The following TMC7 variants were observed in gnomAD, a reference collection of about 807,000 sequenced individuals.
TMC7 encodes the protein transmembrane channel like 7, also known as transmembrane channel-like protein 7.
TMC7 carries 54 observed loss-of-function variants against 82.9 expected under a neutral mutation model. The observed-to-expected ratio is 0.65, with a 90% CI of 0.52 to 0.82. The LOEUF (loss-of-function observed/expected upper bound fraction) is 0.82, where lower values mean the gene tolerates loss of function less well. Among genes scored for constraint, TMC7 ranks in the 40% least tolerant of loss-of-function variants. TMC7 has a pLI of 0.00. For missense variants in TMC7, 820 were observed against 901.2 expected (o/e 0.91, Z 1.15); for synonymous variants, 350 against 337.9 (o/e 1.04, Z -0.39).
At chr16:18,984,197 G>C (rs1037565700) in intron 1 of TMC7, 67 bp downstream of exon 1, 15 of 1,413,790 alleles carry the variant, frequency 1.1e-5, no homozygotes, top group Non-Finnish European at 1.4e-5. Flanking sequence ...GAGGGAGCCG[G>C]GTGCTGGAGG....
rs1256118433 is a variant in TMC7, at chr16:19,038,046, AG to A, written c.1179+1del. 6.2e-7 allele frequency: 1 copy of A among 1,613,116 alleles called. No homozygotes were observed. ...GTCTTCTCGCAAGAGCACATGAAAAAGGTAAATTAACTTGTACTCTGGCTGG... is the reference window on the plus strand; with the variant it reads ...GTCTTCTCGCAAGAGCACATGAAAAAGTAAATTAACTTGTACTCTGGCTGG... ...ATVFSQEHMKKEIDKMVFGEN... is the reference protein window; with the variant it reads ...ATVFSQEHMKXEIDKMVFGEN... On this transcript the variant is annotated frameshift_variant and splice_region_variant, in exon 8 of 16. Transcript: ENST00000304381. LOFTEE classifies it high-confidence loss of function.
intron 9 of TMC7, among the ~76,000 whole-genome samples, chr16:19,043,280 G>C (rs1318574421): frequency 6.6e-6 from 1 of 152,000 alleles, no homozygotes; most frequent in Admixed American, 6.6e-5. Flanking sequence ...GACATCCCGC[G>C]ACCCTGATAC....
intron 1 of TMC7, among the ~76,000 whole-genome samples, chr16:19,001,420 C>T (rs1196963132): frequency 1.2e-4 from 18 of 152,134 alleles, no homozygotes; most frequent in African/African-American, 2.9e-4. Context: ...GTGGTTCACA[C>T]CTATAGTCCC....
chr16:19,005,530 A>T (rs7202685), intron 1 of TMC7, among the ~76,000 whole-genome samples: 2,998 of 152,214 alleles, frequency 0.02, 101 homozygotes, highest in African/African-American at 0.068. Context: ...CATTCCCGAG[A>T]TGAGAAAAAT....
intron 12 of TMC7, chr16:19,049,526 C>A: frequency 3.0e-6 from 2 of 666,094 alleles, no homozygotes; most frequent in Non-Finnish European, 3.7e-6. Flanking sequence ...CTGATGCTTT[C>A]ACTTGAAAAC....
At chr16:19,025,370 C>T (rs1304329685) in intron 5 of TMC7, among the ~76,000 whole-genome samples, 2 of 152,136 alleles carry the variant, frequency 1.3e-5, no homozygotes, top group Non-Finnish European at 2.9e-5. Flanking sequence ...GTAACCCCAG[C>T]ACTTCAGAGA....
At chr16:19,045,296 C>T in intron 10 of TMC7, 45 bp from the exon 11 acceptor site, 8 of 1,513,772 alleles carry the variant, frequency 5.3e-6, no homozygotes, top group Non-Finnish European at 7.3e-6. Flanking sequence ...GTTTTCTCTG[C>T]CTCAGCTAGG....
At position 19,061,902 on chromosome 16, in the gene TMC7, C is replaced by A; in HGVS notation, c.*59C>A. 1.4e-6 allele frequency: 2 copies of A among 1,473,178 alleles called. No individual in the cohort carries two copies. The highest frequency in any genetic ancestry group is 9.4e-7 in the Non-Finnish European group (1 of 1,067,792). The allele number at this position is 1,473,178 out of a possible 1,614,324, so 91.3% of individuals were successfully genotyped here. ...CTTCTAAGCTGACCTAGTGATTCTG[C>A]TGAGCCTACAGAGTCTACCTGGGTT... On this transcript the variant is annotated 3_prime_UTR_variant, in exon 16 of 16. Coordinates refer to ENST00000304381, the MANE Select transcript of TMC7 (RefSeq NM_024847.4).
At chr16:19,000,087 G>C (rs1263677279) in intron 1 of TMC7, among the ~76,000 whole-genome samples, 1 of 152,056 alleles carries the variant, frequency 6.6e-6, no homozygotes, top group Non-Finnish European at 1.5e-5. Flanking sequence ...GCAGAGTCCG[G>C]GCTTTATGAG....
At chr16:18,993,913 G>A (rs1262712376) in intron 1 of TMC7, among the ~76,000 whole-genome samples, 4 of 152,174 alleles carry the variant, frequency 2.6e-5, no homozygotes, top group Non-Finnish European at 5.9e-5. Context: ...AGATACTATA[G>A]CATAGCCTGC....
At chr16:19,045,212 C>T (rs1308110880) in intron 10 of TMC7, 129 bp from the exon 11 acceptor site, 17 of 865,812 alleles carry the variant, frequency 2.0e-5, no homozygotes, top group Non-Finnish European at 3.2e-5. Flanking sequence ...TCAGAGTTTG[C>T]ATCAGCTGAT....
At chr16:18,994,811 A>G (rs1003443311) in intron 1 of TMC7, among the ~76,000 whole-genome samples, 3 of 152,194 alleles carry the variant, frequency 2.0e-5, no homozygotes, top group Non-Finnish European at 4.4e-5. Context: ...TAGGCTTTAA[A>G]AGGCCATGCT....
At chr16:19,013,377 C>T (rs1959488896) in intron 2 of TMC7, among the ~76,000 whole-genome samples, 1 of 151,262 alleles carries the variant, frequency 6.6e-6, no homozygotes, top group African/African-American at 2.4e-5. Context: ...CACCACCACA[C>T]CTGGCTAATT....
intron 1 of TMC7, among the ~76,000 whole-genome samples, chr16:18,996,146 G>T (rs2039040529): frequency 6.6e-6 from 1 of 152,134 alleles, no homozygotes; most frequent in South Asian, 2.1e-4. Flanking sequence ...TAGATCCTAG[G>T]GTTGGGGAGC....
At chr16:19,014,712 T>A (rs1474209121) in intron 2 of TMC7, among the ~76,000 whole-genome samples, 1 of 152,166 alleles carries the variant, frequency 6.6e-6, no homozygotes, top group Non-Finnish European at 1.5e-5. Context: ...TTTGTAGCAC[T>A]TCCCCCAGGG....
chr16:19,010,216 A>G (rs1232679174), intron 2 of TMC7, among the ~76,000 whole-genome samples: 2 of 137,064 alleles, frequency 1.5e-5, no homozygotes, highest in East Asian at 2.5e-4. Flanking sequence ...GTGCAATGGC[A>G]TGATCTTGGC....
chr16:19,000,391 C>T (rs1019492538), intron 1 of TMC7, among the ~76,000 whole-genome samples: 35 of 151,886 alleles, frequency 2.3e-4, no homozygotes, highest in African/African-American at 8.0e-4. Flanking sequence ...CGCTTGAACC[C>T]GGGAGGCAGA....
chr16:19,014,219 G>A (rs745415300), intron 2 of TMC7, among the ~76,000 whole-genome samples: 1 of 152,052 alleles, frequency 6.6e-6, no homozygotes, highest in Non-Finnish European at 1.5e-5. Context: ...GTGGAGGGCT[G>A]TCTGTGGATT....
In TMC7 at chr16:19,021,741, C is replaced by G; in HGVS notation, c.573C>G (p.Leu191=). ...IFMLVLLPVL[L]TKYKITNSSF... ...TGCTGGTTTTGCTCCCAGTCTTACT[C>G]ACGAAATACAAGATCACCAACAGCA... The change falls in exon 4 of 16, where the codon CTC becomes CTG. Residue 191 remains leucine (L), a synonymous_variant. Transcript: ENST00000304381. 6.2e-7 allele frequency: 1 copy of G among 1,614,116 alleles called. No individual in the cohort carries two copies. The highest frequency in any genetic ancestry group is 1.1e-5 in the South Asian group (1 of 91,084).
Sources: gnomAD v4.1 joint callset for allele counts (sites outside exome capture counted in the v4.1 genomes callset) on GRCh38, gnomAD v4.1.1 for gene constraint, MANE v1.5 for transcripts, NCBI Gene and HGNC (gene_info 2026-07-23, HGNC 2026-07-21) for gene names.